The following GRIA4 variants were observed in gnomAD, a reference collection of about 807,000 sequenced individuals.
The protein encoded by GRIA4 is glutamate ionotropic receptor AMPA type subunit 4.
Under a neutral mutation model 104.0 loss-of-function variants are expected in GRIA4, and 34 were observed. The observed-to-expected ratio is 0.33, with a 90% CI of 0.25 to 0.44. GRIA4 has a LOEUF of 0.44. GRIA4 is among the 20% of genes least tolerant of loss of function. The pLI, the probability that GRIA4 is intolerant of heterozygous loss-of-function variation, is 1.00. For missense variants in GRIA4, 750 were observed against 1,096.5 expected (o/e 0.68, Z 4.46); for synonymous variants, 386 against 381.9 (o/e 1.01, Z -0.13).
intron 6 of GRIA4, among the ~76,000 whole-genome samples, chr11:105,888,726 A>C (rs542226436): frequency 5.7e-4 from 86 of 152,150 alleles, no homozygotes; most frequent in Non-Finnish European, 1.1e-3. Context: ...TGAGACAGGA[A>C]TTTTCGGTCT....
intron 3 of GRIA4, among the ~76,000 whole-genome samples, chr11:105,642,536 TGAA>T (rs1565427265): frequency 7.2e-5 from 1 of 13,910 alleles, no homozygotes; most frequent in African/African-American, 2.9e-4. Flanking sequence ...TCAATTTTAA[TGAA>T]AAAAAAAAAA....
intron 4 of GRIA4, among the ~76,000 whole-genome samples, chr11:105,826,341 A>C (rs1386841103): frequency 1.3e-5 from 2 of 152,030 alleles, no homozygotes; most frequent in East Asian, 3.9e-4. Context: ...GGACACCTGC[A>C]TCTGATTACA....
chr11:105,627,839 T>C (rs1353284050), intron 3 of GRIA4, among the ~76,000 whole-genome samples: 1 of 152,142 alleles, frequency 6.6e-6, no homozygotes, highest in East Asian at 1.9e-4. Context: ...TTAATATAGA[T>C]GCCGATAGAA....
At chr11:105,638,895 T>G (rs2135341537) in intron 3 of GRIA4, among the ~76,000 whole-genome samples, 1 of 152,284 alleles carries the variant, frequency 6.6e-6, no homozygotes, top group South Asian at 2.1e-4. Flanking sequence ...TCCTTAACTT[T>G]TTTATTAGTG....
intron 9 of GRIA4, 122 bp from the exon 10 acceptor site, chr11:105,910,313 C>A: frequency 1.7e-6 from 1 of 586,234 alleles, no homozygotes. Context: ...TTTCTGTTGG[C>A]TTTTGTTTTG....
intron 13 of GRIA4, among the ~76,000 whole-genome samples, chr11:105,928,548 A>G (rs1461694851): frequency 7.9e-6 from 1 of 126,324 alleles, no homozygotes; most frequent in African/African-American, 2.7e-5. Flanking sequence ...GCTCCCATCC[A>G]TATAAGTAAG....
chr11:105,696,836 C>T (rs1365343133), intron 3 of GRIA4, among the ~76,000 whole-genome samples: 2 of 151,486 alleles, frequency 1.3e-5, no homozygotes, highest in Admixed American at 6.6e-5. Flanking sequence ...GTGATCTCTA[C>T]TCACTGCAAC....
At chr11:105,752,440 G>A (rs1038349435) in intron 3 of GRIA4, among the ~76,000 whole-genome samples, 1 of 152,218 alleles carries the variant, frequency 6.6e-6, no homozygotes, top group South Asian at 2.1e-4. Flanking sequence ...AAATGAAATT[G>A]CCACAGCAAG....
chr11:105,945,764 G>C (rs1948291269), intron 14 of GRIA4, among the ~76,000 whole-genome samples: 1 of 152,078 alleles, frequency 6.6e-6, no homozygotes, highest in Non-Finnish European at 1.5e-5. Context: ...TTAAATATTA[G>C]TACTAGTCTT....
chr11:105,729,166 G>A (rs377143883), intron 3 of GRIA4, among the ~76,000 whole-genome samples: 1 of 151,996 alleles, frequency 6.6e-6, no homozygotes, highest in Non-Finnish European at 1.5e-5. Context: ...AATGATAAAG[G>A]GGAGATTACC....
chr11:105,750,623 G>A (rs1245170610), intron 3 of GRIA4, among the ~76,000 whole-genome samples: 1 of 152,102 alleles, frequency 6.6e-6, no homozygotes, highest in Non-Finnish European at 1.5e-5. Context: ...AGTATAGTGA[G>A]TACCAGAATA....
chr11:105,682,932 C>T (rs1447940270), intron 3 of GRIA4, among the ~76,000 whole-genome samples: 1 of 152,150 alleles, frequency 6.6e-6, no homozygotes, highest in African/African-American at 2.4e-5. Context: ...AAAAATATCC[C>T]TTAAGCCATC....
intron 14 of GRIA4, among the ~76,000 whole-genome samples, chr11:105,951,386 T>C (rs1246637231): frequency 2.6e-5 from 4 of 152,304 alleles, no homozygotes; most frequent in Non-Finnish European, 5.9e-5. Flanking sequence ...AGAATAATAA[T>C]AACCACAACT....
chr11:105,689,504 T>C (rs1218670151), intron 3 of GRIA4, among the ~76,000 whole-genome samples: 1 of 152,206 alleles, frequency 6.6e-6, no homozygotes, highest in East Asian at 1.9e-4. Flanking sequence ...GAATTATGGA[T>C]AAATTAAAGC....
chr11:105,685,504 A>G (rs1952850557), intron 3 of GRIA4, among the ~76,000 whole-genome samples: 1 of 152,216 alleles, frequency 6.6e-6, no homozygotes, highest in Non-Finnish European at 1.5e-5. Flanking sequence ...CAGCACTTTC[A>G]TGTAATTCAG....
intron 3 of GRIA4, among the ~76,000 whole-genome samples, chr11:105,741,040 A>G (rs1473648677): frequency 1.3e-5 from 2 of 152,254 alleles, no homozygotes; most frequent in Middle Eastern, 3.4e-3. Flanking sequence ...AAGAGTTAGG[A>G]GACTTGAAGC....
rs1242371059 is a variant in GRIA4, at chr11:105,924,653, G to A, written c.1731G>A (p.Glu577=). The change falls in exon 12 of 17, where the codon GAG becomes GAA. Residue 577 remains glutamate (E), a synonymous_variant. Coordinates refer to ENST00000282499, the MANE Select transcript of GRIA4 (RefSeq NM_000829.4). ...GTCCATATGAGTGGCACACAGAAGA[G>A]CCAGAGGACGGAAAGGAAGGACCCA... ...RFSPYEWHTE[E]PEDGKEGPSD... is the part of the protein sequence containing the mutation. The A allele has an allele frequency of 6.2e-7, 1 of 1,612,996 alleles. No homozygotes were observed. The highest frequency in any genetic ancestry group is 8.5e-7 in the Non-Finnish European group (1 of 1,179,450).
intron 9 of GRIA4, 141 bp from the exon 10 acceptor site, chr11:105,910,294 C>CTTTT: frequency 4.1e-6 from 2 of 490,310 alleles, no homozygotes; most frequent in Non-Finnish European, 7.4e-6. Flanking sequence ...CTTCTGAACA[C>CTTTT]TTTTTTTTTT....
intron 4 of GRIA4, among the ~76,000 whole-genome samples, chr11:105,768,238 A>G (rs545668214): frequency 6.6e-6 from 1 of 152,286 alleles, no homozygotes; most frequent in East Asian, 1.9e-4. Context: ...TACTGAAAGT[A>G]AAACATATGC....
Sources: allele counts gnomAD v4.1 joint callset (sites outside exome capture counted in the v4.1 genomes callset), GRCh38; gene constraint gnomAD v4.1.1; transcripts MANE v1.5; gene names NCBI Gene and HGNC (gene_info 2026-07-23, HGNC 2026-07-21).